The following CCDC174 variants were observed in gnomAD, a reference collection of about 807,000 sequenced individuals.
CCDC174 encodes coiled-coil domain containing 174.
CCDC174 carries 37 observed loss-of-function variants against 57.1 expected under a neutral mutation model. That is an observed-to-expected ratio of 0.65 (90% CI 0.50 to 0.85). The LOEUF (loss-of-function observed/expected upper bound fraction) is 0.85, where lower values mean the gene tolerates loss of function less well. Ranked by LOEUF, CCDC174 falls within the 40% of genes least tolerant of loss-of-function variation. The pLI is 0.00. For synonymous variants in CCDC174, 182 were observed against 190.2 expected (o/e 0.96, Z 0.35); for missense variants, 540 against 574.3 (o/e 0.94, Z 0.61).
chr3:14,669,889 T>C (rs947723891), intron 9 of CCDC174, 45 bp from the exon 10 acceptor site: 10 of 1,593,146 alleles, frequency 6.3e-6, no homozygotes, highest in African/African-American at 1.4e-5. Context: ...TAAAAATAGC[T>C]TTAGGCTTTT....
chr3:14,652,884 A>G (rs2030824417), intron 1 of CCDC174, among the ~76,000 whole-genome samples: 1 of 126,536 alleles, frequency 7.9e-6, no homozygotes, highest in African/African-American at 3.0e-5. Context: ...CCTGGGCAAC[A>G]AGAGCGAAAC....
chr3:14,655,421 G>T (rs1248244945), intron 2 of CCDC174, 108 bp from the exon 3 acceptor site: 26 of 635,498 alleles, frequency 4.1e-5, no homozygotes, highest in Non-Finnish European at 6.1e-5. Context: ...TATCTCCATT[G>T]ATTCATAAGA....
intron 9 of CCDC174, 133 bp downstream of exon 9, chr3:14,668,314 C>G: frequency 1.3e-6 from 1 of 794,698 alleles, no homozygotes; most frequent in Non-Finnish European, 2.0e-6. Context: ...CTTTGAGGTA[C>G]TGGCAGGAGC....
intron 10 of CCDC174, 109 bp downstream of exon 10, chr3:14,670,195 T>A (rs1206369453): frequency 8.8e-6 from 10 of 1,133,398 alleles, no homozygotes; most frequent in Non-Finnish European, 1.2e-5. Flanking sequence ...TTGTGTGGTT[T>A]TACAGCTTTG....
rs772870870 is a variant in CCDC174 at position 14,669,940 on chromosome 3, A to G, written c.959A>G (p.Asp320Gly). The G allele has an allele frequency of 1.9e-6, 3 of 1,613,476 alleles. No homozygotes were observed. Among genetic ancestry groups the G allele is most frequent in the African/African-American group, 2.7e-5 (2 of 74,826 alleles). Residue 320 changes from aspartate (D) to glycine (G), a missense_variant, in exon 10 of 11, where the codon GAT becomes GGT. Physicochemically the swap from Asp to Gly is moderately conservative, Grantham distance 94. Transcript: ENST00000383794. ...ATTCTTTTACAAAAAATAGATGGAG[A>G]TGTTATTGGGCCTTTGCCACCGGAG... ...GGTEEENRDG[D>G]VIGPLPPEPE...
intron 9 of CCDC174, among the ~76,000 whole-genome samples, chr3:14,668,806 GA>G (rs1363449431): frequency 1.3e-5 from 2 of 152,200 alleles, no homozygotes; most frequent in Non-Finnish European, 2.9e-5. Flanking sequence ...TAACAACTTG[GA>G]GGTAGGTGGG....
In CCDC174 at chr3:14,655,624, A is replaced by G. The variant is rs760457580; in HGVS notation, c.243A>G (p.Lys81=). 1 of 1,599,262 alleles carries G rather than the reference A, an allele frequency of 6.3e-7. No homozygotes were observed. Among genetic ancestry groups the G allele is most frequent in the Non-Finnish European group, 8.5e-7 (1 of 1,170,088 alleles). ...QKIEEQKTLD[K]AREKLEEKAK... ...TTGAAGAACAGAAGACTTTAGACAA[A>G]GCAAGGTAAAGTTATAAGCTCTGGT... The change falls in exon 3 of 11, where the codon AAA becomes AAG. Residue 81 remains lysine, a synonymous_variant. Coordinates refer to ENST00000383794, the MANE Select transcript of CCDC174 (RefSeq NM_016474.5).
intron 5 of CCDC174, among the ~76,000 whole-genome samples, chr3:14,663,530 G>A (rs1008128991): frequency 1.3e-5 from 2 of 152,154 alleles, no homozygotes; most frequent in African/African-American, 2.4e-5. Flanking sequence ...TTGGAAGATG[G>A]CATGGCTGTT....
chr3:14,662,860 C>T (rs1255399263), intron 5 of CCDC174, among the ~76,000 whole-genome samples: 1 of 152,172 alleles, frequency 6.6e-6, no homozygotes, highest in East Asian at 1.9e-4. Context: ...TGAGGGTGTC[C>T]ATGTTGGTTT....
Position 14,670,091 on chromosome 3 carries a change from G to T in CCDC174, c.1105+5G>T. The T allele has an allele frequency of 6.2e-7, 1 of 1,606,184 alleles. No homozygotes were observed. Among genetic ancestry groups the T allele is most frequent in the South Asian group, 1.1e-5 (1 of 89,398 alleles). On this transcript the variant is annotated splice_donor_5th_base_variant and intron_variant, in intron 10 of 10. Coordinates refer to ENST00000383794, the MANE Select transcript of CCDC174 (RefSeq NM_016474.5). ...GGGAGTGGGACCGCGGAAAAGGTAAGGGAGGTGGGCTCTGAGGTGTAAGAA... is the reference window on the plus strand; with the variant it reads ...GGGAGTGGGACCGCGGAAAAGGTAATGGAGGTGGGCTCTGAGGTGTAAGAA...
At chr3:14,664,891 T>C in intron 5 of CCDC174, 137 bp from the exon 6 acceptor site, 1 of 688,758 alleles carries the variant, frequency 1.5e-6, no homozygotes, top group East Asian at 2.5e-5. Flanking sequence ...TTCCTATCAG[T>C]GGTAGTGGTC....
Position 14,665,092 on chromosome 3 carries a change from C to T in CCDC174, c.550C>T (p.Leu184=), listed in dbSNP as rs149568859. 1 of 1,613,836 alleles carries T rather than the reference C, an allele frequency of 6.2e-7. No individual in the cohort carries two copies. The highest frequency in any genetic ancestry group is 8.5e-7 in the Non-Finnish European group (1 of 1,179,838). Residue 184 remains leucine, a synonymous_variant, in exon 6 of 11, where the codon CTG becomes TTG. Transcript: ENST00000383794. ...RCMRKDLPDL[L]EMDKNLQGRL... ...TATGAGAAAGGATTTGCCAGATCTG[C>T]TGGAGATGGATAAAAATCTTCAGGG...
chr3:14,669,787 C>A, intron 9 of CCDC174, 147 bp from the exon 10 acceptor site: 2 of 694,194 alleles, frequency 2.9e-6, no homozygotes, highest in Admixed American at 3.0e-5. Flanking sequence ...CTGTTGTATA[C>A]AAAAGACTTA....
At chr3:14,667,166 C>A in intron 7 of CCDC174, 1 of 619,052 alleles carries the variant, frequency 1.6e-6, no homozygotes, top group Non-Finnish European at 2.8e-6. Flanking sequence ...GGGATTGTTC[C>A]CTGAGAGAAG....
At chr3:14,661,863 A>G (rs1225611362) in intron 5 of CCDC174, 156 bp downstream of exon 5, 4 of 600,654 alleles carry the variant, frequency 6.7e-6, no homozygotes, top group South Asian at 2.4e-5. Context: ...TTAGGTTATT[A>G]TAGTTGTAAA....
At chr3:14,652,769 G>A (rs1247790616) in intron 1 of CCDC174, among the ~76,000 whole-genome samples, 2 of 152,136 alleles carry the variant, frequency 1.3e-5, no homozygotes, top group South Asian at 2.1e-4. Context: ...GGGCGTGGTG[G>A]TGCACGCCTG....
Position 14,661,483 on chromosome 3 carries a change from G to T in CCDC174, c.308-47G>T, listed in dbSNP as rs773284291. ...TGTGACTGCTTCTTGTCCATTCCAT[G>T]TGTGATTTTCCTTTTTGATGTCTGA... On this transcript the variant is annotated intron_variant, in intron 4 of 10. Coordinates refer to ENST00000383794, the MANE Select transcript of CCDC174 (RefSeq NM_016474.5). 48 of 1,528,282 alleles carry T rather than the reference G, an allele frequency of 3.1e-5. 3 individuals are homozygous for T. In the Middle Eastern group the frequency reaches 1.0e-3, roughly 33 times the overall value. The allele number at this position is 1,528,282 out of a possible 1,614,324, so 94.7% of individuals were successfully genotyped here.
At chr3:14,662,747 G>A (rs1448707378) in intron 5 of CCDC174, among the ~76,000 whole-genome samples, 2 of 152,172 alleles carry the variant, frequency 1.3e-5, no homozygotes, top group East Asian at 1.9e-4. Flanking sequence ...TGTAGCAGGC[G>A]TTCATCTTTT....
intron 10 of CCDC174, 90 bp downstream of exon 10, chr3:14,670,176 C>T (rs1415745780): frequency 6.2e-6 from 8 of 1,284,770 alleles, no homozygotes; most frequent in African/African-American, 6.1e-5. Flanking sequence ...GTTTTAACTT[C>T]GTGCTGCCTT....
Sources: allele counts gnomAD v4.1 joint callset (sites outside exome capture counted in the v4.1 genomes callset), GRCh38; gene constraint gnomAD v4.1.1; transcripts MANE v1.5; gene names NCBI Gene and HGNC (gene_info 2026-07-23, HGNC 2026-07-21).